Variants in MYO18A observed in about 807,000 individuals in gnomAD.
MYO18A encodes myosin XVIIIA, also known as unconventional myosin-XVIIIa.
A neutral mutation model predicts 235.8 loss-of-function variants in MYO18A; 78 were observed. The observed-to-expected ratio is 0.33, with a 90% CI of 0.28 to 0.40. The LOEUF is 0.40. Ranked by LOEUF, MYO18A falls within the 10% of genes least tolerant of loss-of-function variation. The pLI is 1.00. For missense variants in MYO18A, 2,215 were observed against 2,699.3 expected, an observed-to-expected ratio of 0.82 and a Z score of 3.98; for synonymous variants, 977 against 1,077.8, an observed-to-expected ratio of 0.91 and a Z score of 1.83.
intron 12 of MYO18A, 75 bp from the exon 13 acceptor site, chr17:29,115,516 GGGCCCA>G (rs757336859): frequency 2.3e-4 from 349 of 1,539,506 alleles, no homozygotes; most frequent in Non-Finnish European, 2.8e-4. Flanking sequence ...GACCTGCCCA[GGGCCCA>G]GTCAGCACGG....
chr17:29,111,118 C>G lies in MYO18A; in HGVS notation c.2900+306G>C, dbSNP rs927626373. Among the ~76,000 whole-genome samples, 3 of 152,204 alleles carry G rather than the reference C, an allele frequency of 2.0e-5. No individual in the cohort carries two copies. The East Asian group carries it at 5.8e-4, about 29-fold the overall frequency. On this transcript the variant is annotated intron_variant, in intron 17 of 41. Transcript: ENST00000527372. The surrounding 1 kb of genome is among the most constrained non-coding windows in gnomAD (Gnocchi z 5.1). Reference sequence around the variant, plus strand: ...AGGGTAGGTGCCCACTAACCATCTTCTGAAGAGTAGAACGGATGACAGGGC... The same window carrying G: ...AGGGTAGGTGCCCACTAACCATCTTGTGAAGAGTAGAACGGATGACAGGGC...
In MYO18A at chr17:29,109,741, C is replaced by A; in HGVS notation, c.3331+117G>T. The A allele has an allele frequency of 2.3e-6, 3 of 1,293,712 alleles. No individual in the cohort carries two copies. Among genetic ancestry groups the A allele is most frequent in the East Asian group, 2.5e-5 (1 of 39,304 alleles). 80.1% of individuals were successfully genotyped at this position (1,293,712 alleles called of 1,614,324 possible). ...GAGGAGAGACCAGAGCAGAAAGGAT[C>A]GTGAGGAAAGACAGGAGCAGCCCCA... On this transcript the variant is annotated intron_variant, in intron 19 of 41. Coordinates refer to ENST00000527372, the MANE Select transcript of MYO18A (RefSeq NM_078471.4). This position sits in a 1 kb window ranked among gnomAD's most constrained non-coding sequence, Gnocchi z 4.1.
intron 40 of MYO18A, among the ~76,000 whole-genome samples, chr17:29,085,169 C>T (rs1461483573): frequency 3.9e-5 from 6 of 152,366 alleles, no homozygotes; most frequent in Non-Finnish European, 5.9e-5. Flanking sequence ...AGATGAAACA[C>T]GCCCGCTTCT....
intron 20 of MYO18A, among the ~76,000 whole-genome samples, chr17:29,104,950 G>A (rs1005293149): frequency 6.6e-6 from 1 of 152,074 alleles, no homozygotes; most frequent in African/African-American, 2.4e-5. Flanking sequence ...GGAGGCTGAG[G>A]TGGGTGGATC....
chr17:29,116,364 C>G (rs2067060346), intron 11 of MYO18A, 80 bp downstream of exon 11: 3 of 1,564,940 alleles, frequency 1.9e-6, no homozygotes, highest in African/African-American at 1.4e-5. Context: ...AAGGGAACAG[C>G]CCGCACAGAC....
Position 29,166,295 on chromosome 17 carries a change from G to C in MYO18A, c.646C>G (p.Pro216Ala), listed in dbSNP as rs1225606781. The C allele has an allele frequency of 1.9e-6, 3 of 1,612,744 alleles. No individual in the cohort carries two copies. Among genetic ancestry groups the C allele is most frequent in the Non-Finnish European group, 2.5e-6 (3 of 1,179,850 alleles). The change falls in exon 2 of 42, where the codon CCT (proline) becomes GCT (alanine). Residue 216 changes from proline to alanine, a missense_variant. Physicochemically the swap from Pro to Ala is conservative, Grantham distance 27. Transcript: ENST00000527372. Reference protein sequence around the residue: ...RLPPVVPLPPPTLRELELQRR... With the variant: ...RLPPVVPLPPATLRELELQRR... ...TGCAGCTCCAGCTCCCGGAGGGTAG[G>C]TGGGGGCAGGGGCACCACGGGGGGC...
At chr17:29,084,491 G>A (rs545605609) in intron 40 of MYO18A, among the ~76,000 whole-genome samples, 21 of 152,178 alleles carry the variant, frequency 1.4e-4, no homozygotes, top group Non-Finnish European at 2.8e-4. Context: ...GGGCAGGCAG[G>A]CTCAGAGGGC....
rs2067169747 is a variant in MYO18A at position 29,120,409 on chromosome 17, A to T, written c.1728+207T>A. ...GGAGAGTGAAGGGAACTGGGCAGAA[A>T]GCTGGACTGGCCCCATCCAGGGCAG... On this transcript the variant is annotated intron_variant, in intron 7 of 41. Transcript: ENST00000527372. This position sits in a 1 kb window ranked among gnomAD's most constrained non-coding sequence, Gnocchi z 4.2. 6.6e-6 allele frequency among the ~76,000 whole-genome samples: 1 copy of T among 152,226 alleles called. No individual in the cohort carries two copies. The highest frequency in any genetic ancestry group is 2.1e-4 in the South Asian group (1 of 4,830).
rs760127466 is a variant in MYO18A at position 29,166,267 on chromosome 17, C to A, written c.674G>T (p.Arg225Leu). The A allele has an allele frequency of 6.2e-7, 1 of 1,612,942 alleles. No individual in the cohort carries two copies. The highest frequency in any genetic ancestry group is 8.5e-7 in the Non-Finnish European group (1 of 1,179,886). The change falls in exon 2 of 42, where the codon CGA becomes CTA. Residue 225 changes from arginine to leucine, a missense_variant. Transcript: ENST00000527372. Reference protein sequence around the residue: ...PPTLRELELQRRPTGDFGFSL... With the variant: ...PPTLRELELQLRPTGDFGFSL... ...GAAGCCAAAGTCTCCAGTGGGCCGT[C>A]GTTGCAGCTCCAGCTCCCGGAGGGT...
chr17:29,111,553 G>C lies in MYO18A; in HGVS notation c.2771C>G (p.Pro924Arg), dbSNP rs750122757. The C allele has an allele frequency of 6.2e-7, 1 of 1,613,854 alleles. No individual in the cohort carries two copies. Among genetic ancestry groups the C allele is most frequent in the Non-Finnish European group, 8.5e-7 (1 of 1,179,838 alleles). The change falls in exon 17 of 42, where the codon CCA (proline) becomes CGA (arginine). Residue 924 changes from proline to arginine, a missense_variant. Physicochemically the swap from Pro to Arg is moderately radical, Grantham distance 103. Transcript: ENST00000527372. The surrounding 1 kb of genome is among the most constrained non-coding windows in gnomAD (Gnocchi z 5.1). ...GCTGTGGCCCAGGAGAAAGTGGTGTGGTTTGCTGCTGTGCAGAAGGGGGCT... is the reference window on the plus strand; with the variant it reads ...GCTGTGGCCCAGGAGAAAGTGGTGTCGTTTGCTGCTGTGCAGAAGGGGGCT... ...GQSPLLHSSK[P>R]HHFLLGHSHG... is the part of the protein sequence containing the mutation.
At chr17:29,124,693 C>T (rs182734858) in intron 2 of MYO18A, 7 of 1,283,102 alleles carry the variant, frequency 5.5e-6, no homozygotes, top group Middle Eastern at 2.1e-4. Flanking sequence ...GTCCAGCTAC[C>T]GACAGCAAGC....
chr17:29,148,582 T>TTGTG (rs10535921), intron 2 of MYO18A, among the ~76,000 whole-genome samples: 4,415 of 148,824 alleles, frequency 0.03, 89 homozygotes, highest in African/African-American at 0.054. Context: ...CTTTATTCTT[T>TTGTG]TGTGTGTGTG....
In MYO18A at chr17:29,073,471, A is replaced by G. The variant is rs1397243112; in HGVS notation, c.*1299T>C. ...CCTCTGCCCACCACCCCCAGGACCA[A>G]TCCAGACTTTGCCTGAGCCTGAAGG... On this transcript the variant is annotated 3_prime_UTR_variant, in exon 42 of 42. Coordinates refer to ENST00000527372, the MANE Select transcript of MYO18A (RefSeq NM_078471.4). 5.7e-6 allele frequency: 1 copy of G among 176,386 alleles called. No individual in the cohort carries two copies. The highest frequency in any genetic ancestry group is 1.2e-5 in the Non-Finnish European group (1 of 83,050). 10.9% of individuals were successfully genotyped at this position (176,386 alleles called of 1,614,324 possible).
intron 2 of MYO18A, among the ~76,000 whole-genome samples, chr17:29,154,121 T>TGCGCGCGCGCGC (rs1555539119): frequency 6.7e-6 from 1 of 148,998 alleles, no homozygotes; most frequent in African/African-American, 2.5e-5. Context: ...TGTGTGTGTG[T>TGCGCGCGCGCGC]GCGCGCGCGT....
In MYO18A at chr17:29,158,294, C is replaced by T. The variant is rs191987960; in HGVS notation, c.999+7648G>A. On this transcript the variant is annotated intron_variant, in intron 2 of 41. Transcript: ENST00000527372. The surrounding 1 kb of genome is among the most constrained non-coding windows in gnomAD (Gnocchi z 4.3). ...TGCCCTGATTCTGGAGAACATATGGCGGGAGATTAAGGGAGCCCGAGGGGT... is the reference window on the plus strand; with the variant it reads ...TGCCCTGATTCTGGAGAACATATGGTGGGAGATTAAGGGAGCCCGAGGGGT... Among the ~76,000 whole-genome samples the T allele has an allele frequency of 2.8e-4, 42 of 152,234 alleles. No homozygotes were observed. Among genetic ancestry groups the T allele is most frequent in the Admixed American group, 1.2e-3 (18 of 15,296 alleles).
chr17:29,114,334 C>T (rs889855516), intron 14 of MYO18A: 2 of 512,264 alleles, frequency 3.9e-6, no homozygotes, highest in Non-Finnish European at 3.5e-6. Context: ...TCTCATTACT[C>T]ACATGAGTTG....
rs763147356 is a variant in MYO18A, at chr17:29,158,564, C to T, written c.999+7378G>A. ...TCAGTGCTGCCAGATGCCTGGGGCA[C>T]AACCATACCCGCTGCCCAGGACTGA... On this transcript the variant is annotated intron_variant, in intron 2 of 41. Transcript: ENST00000527372. This position sits in a 1 kb window ranked among gnomAD's most constrained non-coding sequence, Gnocchi z 4.3. Among the ~76,000 whole-genome samples the T allele has an allele frequency of 6.6e-6, 1 of 152,194 alleles. No homozygotes were observed. Among genetic ancestry groups the T allele is most frequent in the South Asian group, 2.1e-4 (1 of 4,834 alleles).
intron 14 of MYO18A, 154 bp from the exon 15 acceptor site, chr17:29,114,251 C>G: frequency 1.6e-6 from 1 of 608,250 alleles, no homozygotes; most frequent in Non-Finnish European, 3.0e-6. Context: ...AAACAGCTCC[C>G]AAGGAAACAC....
intron 2 of MYO18A, among the ~76,000 whole-genome samples, chr17:29,139,603 C>T (rs972581707): frequency 7.9e-5 from 12 of 152,186 alleles, no homozygotes; most frequent in Non-Finnish European, 4.4e-5. Context: ...AACTGAAAAC[C>T]TTACCCTTGG....
Sources: gnomAD v4.1 joint callset for allele counts (sites outside exome capture counted in the v4.1 genomes callset) on GRCh38, gnomAD v4.1.1 for gene constraint, Gnocchi (gnomAD v3.1) non-coding constraint, MANE v1.5 for transcripts, NCBI Gene and HGNC (gene_info 2026-07-23, HGNC 2026-07-21) for gene names.